Variants in LINGO2 observed in about 807,000 individuals in gnomAD.
The protein encoded by LINGO2 is leucine rich repeat and Ig domain containing 2, also known as leucine-rich repeat and immunoglobulin-like domain-containing nogo receptor-interacting protein 2.
Under a neutral mutation model 30.6 loss-of-function variants are expected in LINGO2, and 14 were observed. That is an observed-to-expected ratio of 0.46 (90% CI 0.30 to 0.72). The LOEUF (loss-of-function observed/expected upper bound fraction) is 0.72. LINGO2 is among the 30% of genes least tolerant of loss of function. The pLI, the probability that LINGO2 is intolerant of heterozygous loss-of-function variation, is 0.07. For synonymous variants in LINGO2, 317 were observed against 288.5 expected, an observed-to-expected ratio of 1.10 and a Z score of -1.00; for missense variants, 729 against 751.7, an observed-to-expected ratio of 0.97 and a Z score of 0.35.
the LINGO2 span, among the ~76,000 whole-genome samples, chr9:29,078,905 T>G: frequency 2.6e-5 from 4 of 151,862 alleles, no homozygotes; most frequent in African/African-American, 9.7e-5. Flanking sequence ...TAACAATTAT[T>G]AGAAGGCCCA....
At chr9:28,545,154 T>C (rs112460827) in intron 1 of LINGO2, among the ~76,000 whole-genome samples, 1 of 152,192 alleles carries the variant, frequency 6.6e-6, no homozygotes, top group African/African-American at 2.4e-5. Context: ...ACTCACTTTT[T>C]CCTGCCTTAC....
the LINGO2 span, among the ~76,000 whole-genome samples, chr9:28,905,735 T>G: frequency 6.6e-6 from 1 of 151,938 alleles, no homozygotes; most frequent in Non-Finnish European, 1.5e-5. Flanking sequence ...ATGGCTATCA[T>G]AGAAAACATT....
At chr9:29,058,401 T>A in the LINGO2 span, among the ~76,000 whole-genome samples, 1 of 151,526 alleles carries the variant, frequency 6.6e-6, no homozygotes, top group East Asian at 1.9e-4. Context: ...CCAAATTGAA[T>A]CACAAGGAGG....
chr9:28,784,474 T>A, the LINGO2 span, among the ~76,000 whole-genome samples: 1 of 152,178 alleles, frequency 6.6e-6, no homozygotes, highest in Non-Finnish European at 1.5e-5. Flanking sequence ...AATTTTCTCA[T>A]CAATACAACG....
chr9:28,770,882 A>G, the LINGO2 span, among the ~76,000 whole-genome samples: 3 of 152,324 alleles, frequency 2.0e-5, no homozygotes, highest in South Asian at 4.1e-4. Flanking sequence ...GAATTTTGTC[A>G]TTAGCATCAC....
At chr9:28,012,992 ATT>A in intron 4 of LINGO2, among the ~76,000 whole-genome samples, 1 of 152,140 alleles carries the variant, frequency 6.6e-6, no homozygotes, top group East Asian at 1.9e-4. Flanking sequence ...GCTGCGTGAG[ATT>A]TTGTTTTTCT....
At chr9:28,639,276 C>A (rs2135925486) in intron 1 of LINGO2, among the ~76,000 whole-genome samples, 2 of 152,206 alleles carry the variant, frequency 1.3e-5, no homozygotes, top group African/African-American at 4.8e-5. Flanking sequence ...TGGTGTGGTA[C>A]TGAGAAGAAT....
chr9:28,096,775 C>A lies in LINGO2; in HGVS notation c.-86-84370G>T, dbSNP rs538950318. 9.3e-4 allele frequency among the ~76,000 whole-genome samples: 142 copies of A among 152,060 alleles called. 2 individuals carry two copies. Among genetic ancestry groups the A allele is most frequent in the African/African-American group, 3.3e-3 (136 of 41,500 alleles). ...GCATATACTCAAACTTATATCTAAA[C>A]AACATGGAAAACACTGAAAATTTTG... On this transcript the variant is annotated intron_variant, in intron 4 of 5. Coordinates refer to ENST00000379992, the Ensembl canonical transcript of LINGO2.
chr9:28,968,078 T>C, the LINGO2 span, among the ~76,000 whole-genome samples: 1 of 152,178 alleles, frequency 6.6e-6, no homozygotes, highest in Admixed American at 6.5e-5. Flanking sequence ...AGTCATACTT[T>C]TATCTGAACT....
chr9:27,949,641 G>A, exon 6 of LINGO2: 11 of 1,614,076 alleles, frequency 6.8e-6, no homozygotes, highest in Non-Finnish European at 8.5e-6. Flanking sequence ...CAGAGCCCTA[G>A]GGGAGGAGAA....
chr9:28,240,539 G>A (rs894317049), intron 4 of LINGO2, among the ~76,000 whole-genome samples: 2 of 152,128 alleles, frequency 1.3e-5, no homozygotes, highest in Non-Finnish European at 2.9e-5. Flanking sequence ...ACATACATTA[G>A]TGAAAAGACA....
At chr9:28,854,175 T>A in the LINGO2 span, among the ~76,000 whole-genome samples, 3 of 151,866 alleles carry the variant, frequency 2.0e-5, no homozygotes, top group African/African-American at 7.3e-5. Flanking sequence ...CAAAGAATCA[T>A]CAGGTCCAAA....
intron 1 of LINGO2, among the ~76,000 whole-genome samples, chr9:28,565,247 G>A (rs1346360556): frequency 6.9e-6 from 1 of 145,788 alleles, no homozygotes; most frequent in South Asian, 2.2e-4. Context: ...GAGTGCAGTG[G>A]CGCCATCTCA....
At chr9:28,572,373 C>T (rs1823737338) in intron 1 of LINGO2, among the ~76,000 whole-genome samples, 1 of 152,012 alleles carries the variant, frequency 6.6e-6, no homozygotes, top group African/African-American at 2.4e-5. Context: ...CTTTATTCTG[C>T]TTAGATACGA....
At chr9:28,880,579 T>C in the LINGO2 span, among the ~76,000 whole-genome samples, 1 of 152,146 alleles carries the variant, frequency 6.6e-6, no homozygotes, top group African/African-American at 2.4e-5. Flanking sequence ...CCCCATGTGA[T>C]AGTCTGAAAT....
At chr9:28,839,811 C>T in the LINGO2 span, among the ~76,000 whole-genome samples, 1 of 152,160 alleles carries the variant, frequency 6.6e-6, no homozygotes, top group East Asian at 1.9e-4. Flanking sequence ...TGGGATCTAC[C>T]TCTTTTTTCC....
At chr9:28,652,182 A>G (rs565368476) in intron 1 of LINGO2, among the ~76,000 whole-genome samples, 44 of 152,074 alleles carry the variant, frequency 2.9e-4, no homozygotes, top group Non-Finnish European at 5.3e-4. Context: ...TCCCTCCCTA[A>G]TTTATTTAAG....
At chr9:28,677,852 A>G in the LINGO2 span, among the ~76,000 whole-genome samples, 2 of 152,084 alleles carry the variant, frequency 1.3e-5, no homozygotes, top group African/African-American at 2.4e-5. Context: ...CAGTAACACC[A>G]TAAACCAGAA....
At chr9:28,031,128 C>A (rs1823648971) in intron 4 of LINGO2, among the ~76,000 whole-genome samples, 1 of 152,132 alleles carries the variant, frequency 6.6e-6, no homozygotes, top group Non-Finnish European at 1.5e-5. Flanking sequence ...CCAAGCTTCT[C>A]CTTGGCTGTA....
Sources: gnomAD v4.1 joint callset for allele counts (sites outside exome capture counted in the v4.1 genomes callset) on GRCh38, gnomAD v4.1.1 for gene constraint, MANE v1.5 for transcripts, NCBI Gene and HGNC (gene_info 2026-07-23, HGNC 2026-07-21) for gene names.